The following LGSN variants were observed in gnomAD, a reference collection of about 807,000 sequenced individuals.
LGSN encodes the protein lengsin, lens protein with glutamine synthetase domain.
A neutral mutation model predicts 19.5 loss-of-function variants in LGSN; 21 were observed. The ratio of observed to expected loss-of-function variants is 1.07; its 90% CI spans 0.76 to 1.55. The LOEUF (loss-of-function observed/expected upper bound fraction) is 1.55, where lower values mean the gene tolerates loss of function less well. Among genes scored for constraint, LGSN ranks in the 40% most tolerant of loss-of-function variants. The pLI is 0.00. For synonymous variants in LGSN, 257 were observed against 215.6 expected, an observed-to-expected ratio of 1.19 and a Z score of -1.68; for missense variants, 673 against 608.5, an observed-to-expected ratio of 1.11 and a Z score of -1.12.
At chr6:63,431,767 T>G in the LGSN span, among the ~76,000 whole-genome samples, 441 of 152,234 alleles carry the variant, frequency 2.9e-3, 3 homozygotes, top group African/African-American at 0.01. Flanking sequence ...GTTTTGAATT[T>G]CATTAAGAAA....
chr6:63,294,334 C>A (rs77223307), intron 2 of LGSN, among the ~76,000 whole-genome samples: 4 of 151,268 alleles, frequency 2.6e-5, no homozygotes, highest in Non-Finnish European at 4.4e-5. Flanking sequence ...GACTCTGTCT[C>A]AAAAAAATAA....
chr6:63,295,667 A>G (rs1250769417), intron 1 of LGSN, among the ~76,000 whole-genome samples: 3 of 152,212 alleles, frequency 2.0e-5, no homozygotes, highest in African/African-American at 7.2e-5. Context: ...AAATGCATTC[A>G]AAACAAAATA....
the LGSN span, among the ~76,000 whole-genome samples, chr6:63,491,086 A>T: frequency 6.6e-6 from 1 of 152,048 alleles, no homozygotes; most frequent in Non-Finnish European, 1.5e-5. Flanking sequence ...AACTACCCTC[A>T]TACACACATT....
chr6:63,567,252 T>A, the LGSN span, among the ~76,000 whole-genome samples: 2 of 152,338 alleles, frequency 1.3e-5, no homozygotes, highest in Admixed American at 6.5e-5. Context: ...TTACTTTGCT[T>A]AGATCCATCA....
At chr6:63,392,167 C>T in the LGSN span, 3 of 152,382 alleles carry the variant, frequency 2.0e-5, no homozygotes, top group Admixed American at 6.5e-5. Flanking sequence ...GGCCAGGTGC[C>T]TCTCAGGTAC....
chr6:63,326,865 G>A, the LGSN span, among the ~76,000 whole-genome samples: 9 of 152,192 alleles, frequency 5.9e-5, no homozygotes, highest in East Asian at 1.9e-4. Flanking sequence ...CTGAGGGAGC[G>A]GGCTCTGGCC....
chr6:63,336,898 C>A, the LGSN span, among the ~76,000 whole-genome samples: 2 of 151,064 alleles, frequency 1.3e-5, no homozygotes, highest in South Asian at 2.1e-4. Context: ...CCATGCCCGG[C>A]CCCAAAAATT....
the LGSN span, among the ~76,000 whole-genome samples, chr6:63,550,032 C>T: frequency 1.3e-5 from 2 of 152,086 alleles, no homozygotes; most frequent in Admixed American, 1.3e-4. Context: ...TAATTAATCA[C>T]TATATGTTAT....
At chr6:63,486,797 CA>C in the LGSN span, among the ~76,000 whole-genome samples, 2 of 149,060 alleles carry the variant, frequency 1.3e-5, no homozygotes, top group African/African-American at 2.5e-5. Flanking sequence ...GTGATCCCCC[CA>C]CCTCAGTTTT....
rs532273916 is a variant in LGSN, at chr6:63,304,112, C to G, written c.31-9067G>C. On this transcript the variant is annotated intron_variant, in intron 1 of 3. Transcript: ENST00000370657. ...ACAGACAACCTTATACATGAGCAAC[C>G]TTATCTCTTGATGGATGCAAGATGA... Among the ~76,000 whole-genome samples, 8 of 152,296 alleles carry G rather than the reference C, an allele frequency of 5.3e-5. No homozygotes were observed. In the South Asian group the frequency reaches 1.7e-3, roughly 32 times the overall value.
the LGSN span, among the ~76,000 whole-genome samples, chr6:63,544,827 T>C: frequency 6.6e-6 from 1 of 152,172 alleles, no homozygotes; most frequent in South Asian, 2.1e-4. Context: ...ATTTCTCCCA[T>C]TACTGAAGAT....
chr6:63,423,618 T>C, the LGSN span, among the ~76,000 whole-genome samples: 1 of 151,872 alleles, frequency 6.6e-6, no homozygotes, highest in South Asian at 2.1e-4. Flanking sequence ...AGCGAGACCC[T>C]GTATAAAGAG....
chr6:63,503,504 A>C, the LGSN span, among the ~76,000 whole-genome samples: 402 of 152,304 alleles, frequency 2.6e-3, 1 homozygote, highest in African/African-American at 9.2e-3. Flanking sequence ...TTAATCCTCT[A>C]CCCAAGATTT....
chr6:63,548,989 A>C, the LGSN span: 4 of 733,166 alleles, frequency 5.5e-6, no homozygotes, highest in Admixed American at 5.7e-5. Flanking sequence ...ATTTTATGAC[A>C]CAGGGCAGGC....
the LGSN span, among the ~76,000 whole-genome samples, chr6:63,520,866 C>T: frequency 2.6e-5 from 4 of 152,084 alleles, no homozygotes; most frequent in Middle Eastern, 3.4e-3. Flanking sequence ...ACTACATGAA[C>T]AATCAGTTTA....
chr6:63,506,231 C>G, the LGSN span, among the ~76,000 whole-genome samples: 339 of 109,696 alleles, frequency 3.1e-3, 1 homozygote, highest in Admixed American at 6.5e-3. Context: ...ATAAGTTCTT[C>G]TTGTTGTTGT....
At chr6:63,436,004 TC>T in the LGSN span, among the ~76,000 whole-genome samples, 1 of 151,842 alleles carries the variant, frequency 6.6e-6, no homozygotes, top group Non-Finnish European at 1.5e-5. Flanking sequence ...GCCATACTGC[TC>T]TTTTTTGTGT....
At chr6:63,457,933 A>G in the LGSN span, among the ~76,000 whole-genome samples, 10 of 152,158 alleles carry the variant, frequency 6.6e-5, no homozygotes, top group Admixed American at 6.5e-4. Flanking sequence ...TTTAACTAAT[A>G]CTTTCACATA....
At chr6:63,480,985 A>ATATG in the LGSN span, among the ~76,000 whole-genome samples, 1 of 43,846 alleles carries the variant, frequency 2.3e-5, no homozygotes, top group Non-Finnish European at 8.0e-5. Context: ...ATATATATAT[A>ATATG]TACACACACA....
Sources: gnomAD v4.1 joint callset for allele counts (sites outside exome capture counted in the v4.1 genomes callset) on GRCh38, gnomAD v4.1.1 for gene constraint, MANE v1.5 for transcripts, NCBI Gene and HGNC (gene_info 2026-07-23, HGNC 2026-07-21) for gene names.